The following RGL1 variants were observed in gnomAD, a reference collection of about 807,000 sequenced individuals.
RGL1 encodes ral guanine nucleotide dissociation stimulator like 1, also known as ral guanine nucleotide dissociation stimulator-like 1.
Under a neutral mutation model 95.2 loss-of-function variants are expected in RGL1, and 24 were observed. The observed-to-expected ratio is 0.25, with a 90% CI of 0.18 to 0.35. RGL1 has a LOEUF of 0.35. Ranked by LOEUF, RGL1 falls within the 10% of genes least tolerant of loss-of-function variation. The pLI, the probability that RGL1 is intolerant of heterozygous loss-of-function variation, is 1.00. For synonymous variants in RGL1, 329 were observed against 344.9 expected (o/e 0.95, Z 0.51); for missense variants, 715 against 936.3 (o/e 0.76, Z 3.08).
chr1:183,906,548 C>T (rs890372159), intron 13 of RGL1, among the ~76,000 whole-genome samples: 5 of 151,956 alleles, frequency 3.3e-5, no homozygotes, highest in Non-Finnish European at 7.4e-5. Flanking sequence ...AGATAGATTA[C>T]AAAAGTCTCT....
chr1:183,649,213 T>C (rs1407254747), intron 1 of RGL1, among the ~76,000 whole-genome samples: 1 of 152,220 alleles, frequency 6.6e-6, no homozygotes, highest in Admixed American at 6.5e-5. Flanking sequence ...CCTGATAAGA[T>C]TGTCTTGAGC....
chr1:183,725,650 C>T (rs1454537565), intron 1 of RGL1, among the ~76,000 whole-genome samples: 1 of 152,080 alleles, frequency 6.6e-6, no homozygotes, highest in Non-Finnish European at 1.5e-5. Flanking sequence ...GTGTATTCAC[C>T]TTATAACTAA....
chr1:183,662,698 T>G (rs971370258), intron 1 of RGL1, among the ~76,000 whole-genome samples: 2 of 152,100 alleles, frequency 1.3e-5, no homozygotes, highest in Non-Finnish European at 2.9e-5. Context: ...CTTCACAGAA[T>G]TGGAAAAAAC....
At position 183,880,766 on chromosome 1, in the gene RGL1, T is replaced by C; in HGVS notation, c.576T>C (p.Leu192=). The C allele has an allele frequency of 6.2e-7, 1 of 1,613,934 alleles. No homozygotes were observed. Among genetic ancestry groups the C allele is most frequent in the Non-Finnish European group, 8.5e-7 (1 of 1,179,830 alleles). Reference sequence around the variant, plus strand: ...CAGAAAGAAGAGCACAAAATCTTCTTGAGCAGTTTCAGAAGCAAGAAGTGG... The same window carrying C: ...CAGAAAGAAGAGCACAAAATCTTCTCGAGCAGTTTCAGAAGCAAGAAGTGG... ...SDPERRAQNL[L]EQFQKQEVET... is the part of the protein sequence containing the mutation. Residue 192 remains leucine, a synonymous_variant, in exon 5 of 18, where the codon CTT becomes CTC. Transcript: ENST00000360851.
At chr1:183,771,813 C>G (rs1192051414) in intron 2 of RGL1, among the ~76,000 whole-genome samples, 2 of 152,188 alleles carry the variant, frequency 1.3e-5, no homozygotes, top group Non-Finnish European at 2.9e-5. Context: ...CCTGCCATGC[C>G]CCCATCCTGG....
intron 3 of RGL1, among the ~76,000 whole-genome samples, chr1:183,851,065 G>A (rs1363258123): frequency 6.6e-6 from 1 of 152,170 alleles, no homozygotes; most frequent in Non-Finnish European, 1.5e-5. Context: ...CTATTATAGA[G>A]GATAGATGTT....
At chr1:183,737,193 C>G (rs1396547534) in intron 1 of RGL1, among the ~76,000 whole-genome samples, 1 of 152,096 alleles carries the variant, frequency 6.6e-6, no homozygotes, top group Non-Finnish European at 1.5e-5. Flanking sequence ...TATCTGATAG[C>G]AAGAACAGAC....
At chr1:183,761,660 A>C (rs1185187531) in intron 2 of RGL1, among the ~76,000 whole-genome samples, 2 of 152,180 alleles carry the variant, frequency 1.3e-5, no homozygotes, top group African/African-American at 4.8e-5. Context: ...TAGCAAGAGA[A>C]TCAACCTCTT....
At chr1:183,720,297 G>A (rs539257940) in intron 1 of RGL1, among the ~76,000 whole-genome samples, 1 of 152,222 alleles carries the variant, frequency 6.6e-6, no homozygotes, top group Non-Finnish European at 1.5e-5. Flanking sequence ...GTCTGTGCCT[G>A]GCTCCTAAAA....
chr1:183,837,066 C>A (rs73045535), intron 2 of RGL1, among the ~76,000 whole-genome samples: 4,886 of 152,190 alleles, frequency 0.032, 287 homozygotes, highest in African/African-American at 0.11. Context: ...GAGTAAGAAT[C>A]AAAAATTAAT....
chr1:183,895,325 A>G (rs978262013), intron 9 of RGL1, among the ~76,000 whole-genome samples: 2 of 152,156 alleles, frequency 1.3e-5, no homozygotes, highest in Admixed American at 1.3e-4. Context: ...GGATGAGGGT[A>G]GCTGAACTCT....
At chr1:183,729,501 A>T (rs534248393) in intron 1 of RGL1, among the ~76,000 whole-genome samples, 1 of 152,278 alleles carries the variant, frequency 6.6e-6, no homozygotes, top group African/African-American at 2.4e-5. Context: ...AACCACTGAG[A>T]TTTTCCTGCA....
intron 1 of RGL1, among the ~76,000 whole-genome samples, chr1:183,711,208 C>A (rs1177900719): frequency 6.6e-6 from 1 of 152,200 alleles, no homozygotes; most frequent in Non-Finnish European, 1.5e-5. Flanking sequence ...GGGTAGCCTG[C>A]TGCACACCCT....
At chr1:183,876,270 A>C (rs1004641289) in intron 4 of RGL1, among the ~76,000 whole-genome samples, 3 of 152,264 alleles carry the variant, frequency 2.0e-5, no homozygotes, top group African/African-American at 7.2e-5. Flanking sequence ...AAGTCCTAGA[A>C]GCTGCTTTAG....
chr1:183,829,249 G>A (rs1475246622), intron 2 of RGL1, among the ~76,000 whole-genome samples: 2 of 151,874 alleles, frequency 1.3e-5, no homozygotes, highest in African/African-American at 4.8e-5. Flanking sequence ...GAGTCTACCT[G>A]GGCAATATAG....
Position 183,731,472 on chromosome 1 carries a change from T to G in RGL1, c.-32-10654T>G, listed in dbSNP as rs186847618. Among the ~76,000 whole-genome samples the G allele has an allele frequency of 2.0e-3, 310 of 152,246 alleles. 2 individuals carry two copies. The highest frequency in any genetic ancestry group is 3.0e-3 in the Non-Finnish European group (205 of 67,998). Reference sequence around the variant, plus strand: ...AGAAGAAACTGACTCTCAGCTTTGGTAGAAAAGGTAGCACAGATAAGGAAG... The same window carrying G: ...AGAAGAAACTGACTCTCAGCTTTGGGAGAAAAGGTAGCACAGATAAGGAAG... On this transcript the variant is annotated intron_variant, in intron 1 of 18. Transcript: ENST00000304685.
intron 1 of RGL1, among the ~76,000 whole-genome samples, chr1:183,702,149 C>A (rs937716046): frequency 6.6e-6 from 1 of 152,056 alleles, no homozygotes; most frequent in Non-Finnish European, 1.5e-5. Context: ...TAAAGTAGGA[C>A]CATTGTTTAC....
At chr1:183,793,394 A>G (rs1029306247) in intron 2 of RGL1, among the ~76,000 whole-genome samples, 1 of 152,224 alleles carries the variant, frequency 6.6e-6, no homozygotes, top group East Asian at 1.9e-4. Context: ...TCAAAAGCAC[A>G]GGCAACAGAA....
chr1:183,893,383 A>G (rs577195947), intron 9 of RGL1, among the ~76,000 whole-genome samples: 1 of 152,354 alleles, frequency 6.6e-6, no homozygotes, highest in African/African-American at 2.4e-5. Context: ...AAGATTCACT[A>G]TGGTAAAATA....
Sources: gnomAD v4.1 joint callset for allele counts (sites outside exome capture counted in the v4.1 genomes callset) on GRCh38, gnomAD v4.1.1 for gene constraint, MANE v1.5 for transcripts, NCBI Gene and HGNC (gene_info 2026-07-23, HGNC 2026-07-21) for gene names.